ELF1: variants seen among roughly 807,000 people sequenced by gnomAD.
ELF1 encodes ETS-related transcription factor Elf-1.
ELF1 carries 24 observed loss-of-function variants against 59.9 expected under a neutral mutation model. That is an observed-to-expected ratio of 0.40 (90% CI 0.29 to 0.56). The LOEUF is 0.56. ELF1 is among the 20% of genes least tolerant of loss of function. ELF1 has a pLI of 0.44. For missense variants in ELF1, 627 were observed against 742.2 expected, an observed-to-expected ratio of 0.84 and a Z score of 1.80; for synonymous variants, 248 against 266.2, an observed-to-expected ratio of 0.93 and a Z score of 0.67.
At chr13:41,060,851 G>C in exon 1 of ELF1, 1 of 305,690 alleles carries the variant, frequency 3.3e-6, no homozygotes, top group Non-Finnish European at 6.5e-6. Context: ...ACAAGCATAA[G>C]TGCCTCTGCC....
At position 40,959,210 on chromosome 13, in the gene ELF1, A is replaced by G. The variant is rs183226331; in HGVS notation, c.73-194T>C. ...CAAATAATGGCATTAAAATTTAAAA[A>G]TGAAGGCTGGGCGCGGTGACTCACA... On this transcript the variant is annotated intron_variant, in intron 2 of 8. Coordinates refer to ENST00000239882, the MANE Select transcript of ELF1 (RefSeq NM_172373.4). Among the ~76,000 whole-genome samples, 135 of 152,278 alleles carry G rather than the reference A, an allele frequency of 8.9e-4. 2 individuals carry two copies. The highest frequency in any genetic ancestry group is 1.7e-3 in the Admixed American group (26 of 15,294).
chr13:40,951,988 G>C (rs1860949044), intron 3 of ELF1, among the ~76,000 whole-genome samples: 1 of 152,136 alleles, frequency 6.6e-6, no homozygotes, highest in South Asian at 2.1e-4. Context: ...TGCAAGGAAA[G>C]ACAAGACAGT....
At position 40,933,998 on chromosome 13, in the gene ELF1, C is replaced by A. The variant is rs1443568689; in HGVS notation, c.1287G>T (p.Val429=). Residue 429 remains valine, a synonymous_variant, in exon 9 of 9, where the codon GTG becomes GTT. Transcript: ENST00000239882. Reference sequence around the variant, plus strand: ...ACTGCTGATTCCTAGGAGACACAACCACTGGAACTTGGGTTGGAGCCTGTA... The same window carrying A: ...ACTGCTGATTCCTAGGAGACACAACAACTGGAACTTGGGTTGGAGCCTGTA... ...RTIQAPTQVP[V]VVSPRNQQLH... The A allele has an allele frequency of 6.2e-7, 1 of 1,613,960 alleles. No homozygotes were observed. Among genetic ancestry groups the A allele is most frequent in the Non-Finnish European group, 8.5e-7 (1 of 1,179,962 alleles).
At chr13:40,953,786 C>A (rs1345234301) in intron 3 of ELF1, among the ~76,000 whole-genome samples, 1 of 152,180 alleles carries the variant, frequency 6.6e-6, no homozygotes, top group African/African-American at 2.4e-5. Flanking sequence ...CAAGGTTCTT[C>A]CCTTTTTCAT....
At position 40,933,348 on chromosome 13, in the gene ELF1, T is replaced by A; in HGVS notation, c.*77A>T. The A allele has an allele frequency of 6.6e-7, 1 of 1,507,856 alleles. No homozygotes were observed. Among genetic ancestry groups the A allele is most frequent in the Non-Finnish European group, 8.9e-7 (1 of 1,125,474 alleles). 93.4% of individuals were successfully genotyped at this position (1,507,856 alleles called of 1,614,324 possible). A position where few individuals can be genotyped will look rare whatever the true frequency, so the allele number is the denominator to read the frequency against. ...AAATTAGAAACCTCCTTAGAATTTA[T>A]CTTAGAATCAGTCAGTCTGCATATA... On this transcript the variant is annotated 3_prime_UTR_variant, in exon 9 of 9. Coordinates refer to ENST00000239882, the MANE Select transcript of ELF1 (RefSeq NM_172373.4).
chr13:41,058,798 C>T (rs755538340), intron 1 of ELF1, among the ~76,000 whole-genome samples: 40 of 152,270 alleles, frequency 2.6e-4, no homozygotes, highest in Non-Finnish European at 4.0e-4. Flanking sequence ...CATGGTGAAA[C>T]ATTGTCTTTA....
chr13:41,024,201 T>G (rs902840218), upstream of ELF1, among the ~76,000 whole-genome samples: 7 of 152,206 alleles, frequency 4.6e-5, no homozygotes, highest in African/African-American at 1.7e-4. Context: ...AATGTACCCC[T>G]GAAGGAGCTT....
chr13:41,029,321 AC>A (rs1876072627), intron 1 of ELF1, among the ~76,000 whole-genome samples: 1 of 152,228 alleles, frequency 6.6e-6, no homozygotes, highest in South Asian at 2.1e-4. Context: ...ATTAAGAGGT[AC>A]CCAGATAACT....
At chr13:41,037,189 G>T (rs1218085973) in intron 1 of ELF1, among the ~76,000 whole-genome samples, 3 of 151,910 alleles carry the variant, frequency 2.0e-5, no homozygotes, top group Non-Finnish European at 4.4e-5. Context: ...CACATACAAT[G>T]TGCTAAGTGT....
chr13:40,960,586 TATTA>T (rs536792857), intron 2 of ELF1, among the ~76,000 whole-genome samples: 2 of 152,324 alleles, frequency 1.3e-5, no homozygotes, highest in Non-Finnish European at 1.5e-5. Context: ...TTGCTGGGGA[TATTA>T]ATTTTTAATA....
chr13:40,934,416 CTT>C (rs10692930), intron 8 of ELF1, among the ~76,000 whole-genome samples: 18 of 102,480 alleles, frequency 1.8e-4, no homozygotes, highest in African/African-American at 5.3e-4. Flanking sequence ...TTCATTCCTG[CTT>C]TTTTTTTTTT....
intron 4 of ELF1, among the ~76,000 whole-genome samples, chr13:40,950,820 T>C (rs1870802689): frequency 6.6e-6 from 1 of 152,260 alleles, no homozygotes; most frequent in African/African-American, 2.4e-5. Context: ...GCTGTGAATA[T>C]AGCAAATATT....
chr13:40,941,453 A>G, intron 7 of ELF1, 83 bp from the exon 8 acceptor site: 1 of 1,321,170 alleles, frequency 7.6e-7, no homozygotes, highest in Non-Finnish European at 1.0e-6. Context: ...ATCATAAACA[A>G]AACTTTAAAG....
At chr13:41,049,120 C>T (rs1299351072) in intron 1 of ELF1, among the ~76,000 whole-genome samples, 3 of 152,184 alleles carry the variant, frequency 2.0e-5, no homozygotes, top group Admixed American at 2.0e-4. Context: ...CACCTCCTCA[C>T]CACTTACCAC....
chr13:41,004,947 A>T (rs995810895), intron 1 of ELF1, among the ~76,000 whole-genome samples: 7 of 152,158 alleles, frequency 4.6e-5, no homozygotes, highest in Non-Finnish European at 7.4e-5. Context: ...AACTAGCTTT[A>T]TGCTTAACTG....
intron 1 of ELF1, among the ~76,000 whole-genome samples, chr13:41,043,659 C>G (rs948154803): frequency 6.6e-6 from 1 of 152,088 alleles, no homozygotes; most frequent in African/African-American, 2.4e-5. Flanking sequence ...TTCCATTGGT[C>G]TATATCTGTT....
intron 1 of ELF1, among the ~76,000 whole-genome samples, chr13:41,030,173 A>G (rs1414815135): frequency 6.6e-6 from 1 of 152,266 alleles, no homozygotes; most frequent in East Asian, 1.9e-4. Context: ...AAGATGAGGC[A>G]TAACAACAAA....
At chr13:41,033,067 T>C (rs1876236246) in intron 1 of ELF1, among the ~76,000 whole-genome samples, 1 of 152,128 alleles carries the variant, frequency 6.6e-6, no homozygotes, top group Admixed American at 6.5e-5. Context: ...TGCTCTTTGA[T>C]AAAAGAGAAA....
chr13:40,989,494 A>G (rs1198860639), intron 1 of ELF1, among the ~76,000 whole-genome samples: 2 of 152,228 alleles, frequency 1.3e-5, no homozygotes, highest in African/African-American at 2.4e-5. Context: ...TACTATGAAT[A>G]TATTTTAGGT....
Sources: allele counts gnomAD v4.1 joint callset (sites outside exome capture counted in the v4.1 genomes callset), GRCh38; gene constraint gnomAD v4.1.1; transcripts MANE v1.5; gene names NCBI Gene and HGNC (gene_info 2026-07-23, HGNC 2026-07-21).